The following MCM3AP variants were observed in gnomAD, a reference collection of about 807,000 sequenced individuals.
The protein encoded by MCM3AP is germinal-center associated nuclear protein.
A neutral mutation model predicts 184.1 loss-of-function variants in MCM3AP; 126 were observed. That is an observed-to-expected ratio of 0.68 (90% CI 0.59 to 0.79). The LOEUF (loss-of-function observed/expected upper bound fraction) is 0.79, where lower values mean the gene tolerates loss of function less well. Among genes scored for constraint, MCM3AP ranks in the 30% least tolerant of loss-of-function variants. The pLI is 0.00. For synonymous variants in MCM3AP, 1,002 were observed against 979.3 expected (o/e 1.02, Z -0.43); for missense variants, 2,496 against 2,479.2 (o/e 1.01, Z -0.14).
At chr21:46,273,329 C>G (rs2081208457) in intron 7 of MCM3AP, 59 bp downstream of exon 7, 1 of 1,450,234 alleles carries the variant, frequency 6.9e-7, no homozygotes, top group African/African-American at 1.4e-5. Context: ...ATAAAAATAT[C>G]AGTTTGACTT....
chr21:46,260,896 C>G lies in MCM3AP; in HGVS notation c.3478G>C (p.Glu1160Gln). Residue 1160 changes from glutamate (E) to glutamine (Q), a missense_variant, in exon 15 of 28, where the codon GAG becomes CAG. Physicochemically the swap from Glu to Gln is conservative, Grantham distance 29. This residue lies in a region of MCM3AP where 1,323 missense variants were observed against 1,273.4 expected (regional missense o/e 1.04). Transcript: ENST00000291688. ...AGCTCACTTAACACCAGCTCTCTCTCTTGTTTCAACCTACAGGGAAGAGAA... is the reference window on the plus strand; with the variant it reads ...AGCTCACTTAACACCAGCTCTCTCTGTTGTTTCAACCTACAGGGAAGAGAA... ...QRAEEERLKQ[E>Q]RELVLSELSQ... 9 of 1,610,980 alleles carry G rather than the reference C, an allele frequency of 5.6e-6. No homozygotes were observed. The highest frequency in any genetic ancestry group is 7.6e-6 in the Non-Finnish European group (9 of 1,177,082).
chr21:46,277,623 A>G lies in MCM3AP; in HGVS notation c.1762T>C (p.Cys588Arg), dbSNP rs1241387820. The G allele has an allele frequency of 3.5e-5, 57 of 1,612,490 alleles. No homozygotes were observed. In the Admixed American group the frequency reaches 8.7e-4, roughly 25 times the overall value. Residue 588 changes from cysteine to arginine, a missense_variant, in exon 5 of 28, where the codon TGT becomes CGT. Physicochemically the swap from Cys to Arg is radical, Grantham distance 180. This residue lies in a region of MCM3AP where 800 missense variants were observed against 717.1 expected (regional missense o/e 1.12). Coordinates refer to ENST00000291688, the MANE Select transcript of MCM3AP (RefSeq NM_003906.5). The part of the protein sequence containing the change: ...ASEGSEGLGP[C>R]VLSLSTLIGT... ...ATCAGGGTACTGAGGGAGAGCACAC[A>G]TGGCCCGAGGCCCTCGGAGCCCTCG...
chr21:46,244,805 A>AC lies in MCM3AP; in HGVS notation c.5038+1dup. 3 of 1,607,242 alleles carry AC rather than the reference A, an allele frequency of 1.9e-6. No homozygotes were observed. The highest frequency in any genetic ancestry group is 1.3e-5 in the African/African-American group (1 of 74,802). On this transcript the variant is annotated splice_donor_variant, in intron 23 of 27. Transcript: ENST00000291688. LOFTEE classifies it high-confidence loss of function. ...CCAGACCTCCCCAGGTCAAGCACGT[A>AC]CCCCCCAGGGGTGGAAGGTCCATCT...
chr21:46,244,918 C>G lies in MCM3AP; in HGVS notation c.4927G>C (p.Gly1643Arg). 6.2e-7 allele frequency: 1 copy of G among 1,614,184 alleles called. No individual in the cohort carries two copies. Among genetic ancestry groups the G allele is most frequent in the Non-Finnish European group, 8.5e-7 (1 of 1,180,032 alleles). Residue 1643 changes from glycine (G) to arginine (R), a missense_variant, in exon 23 of 28, where the codon GGC becomes CGC. Physicochemically the swap from Gly to Arg is moderately radical, Grantham distance 125. Coordinates refer to ENST00000291688, the MANE Select transcript of MCM3AP (RefSeq NM_003906.5). Reference protein sequence around the residue: ...WPVTEFAEAGGSRLLPHLHWN... With the variant: ...WPVTEFAEAGRSRLLPHLHWN... Reference sequence around the variant, plus strand: ...TGCAGGTGAGGAAGCAGCCGGCTGCCCCCTGCCTCAGCAAACTCAGTGACA... The same window carrying G: ...TGCAGGTGAGGAAGCAGCCGGCTGCGCCCTGCCTCAGCAAACTCAGTGACA...
At chr21:46,264,736 C>CCA (rs1184593400) in intron 12 of MCM3AP, among the ~76,000 whole-genome samples, 6 of 152,014 alleles carry the variant, frequency 3.9e-5, no homozygotes, top group Admixed American at 6.6e-5. Context: ...CAGCCAGAGA[C>CCA]CACACACACC....
intron 4 of MCM3AP, among the ~76,000 whole-genome samples, chr21:46,278,759 C>G (rs1348599014): frequency 1.3e-5 from 2 of 151,876 alleles, no homozygotes; most frequent in African/African-American, 2.4e-5. Flanking sequence ...CTGCAAGCTC[C>G]GCCTCCCGGG....
rs764807961 is a variant in MCM3AP at position 46,236,919 on chromosome 21, A to G, written c.5694T>C (p.Thr1898=). 1.9e-6 allele frequency: 3 copies of G among 1,578,326 alleles called. No individual in the cohort carries two copies. The highest frequency in any genetic ancestry group is 3.3e-4 in the Middle Eastern group (2 of 5,988). The part of the protein sequence containing the change: ...SEDSGAFTDL[T]SLPLYLPQTL... ...TCTGAGGAAGATAGAGGGGAAGGGA[A>G]GTTAAATCCGTAAATGCTCCTGAGT... The change falls in exon 27 of 28, where the codon ACT becomes ACC. Residue 1898 remains threonine (T), a synonymous_variant. Coordinates refer to ENST00000291688, the MANE Select transcript of MCM3AP (RefSeq NM_003906.5).
intron 9 of MCM3AP, chr21:46,270,178 C>G (rs1458998590): frequency 2.5e-6 from 1 of 395,716 alleles, no homozygotes; most frequent in East Asian, 3.8e-5. Flanking sequence ...TTATTTGAAC[C>G]ATGGAACAGT....
chr21:46,246,087 G>A (rs1283948259), intron 22 of MCM3AP, among the ~76,000 whole-genome samples: 1 of 152,188 alleles, frequency 6.6e-6, no homozygotes, highest in African/African-American at 2.4e-5. Context: ...GCACACCACA[G>A]TAGTCCCATA....
intron 27 of MCM3AP, among the ~76,000 whole-genome samples, chr21:46,235,971 TTATTC>T (rs2080516438): frequency 6.6e-6 from 1 of 152,368 alleles, no homozygotes; most frequent in Admixed American, 6.5e-5. Flanking sequence ...GGGCTGTGAA[TTATTC>T]TATCACATGA....
chr21:46,243,001 AC>A (rs1355980748), intron 24 of MCM3AP, 70 bp from the exon 25 acceptor site: 12 of 1,283,242 alleles, frequency 9.4e-6, no homozygotes, highest in African/African-American at 1.8e-5. Context: ...AAAAAAAAAC[AC>A]ACACAAAAAA....
Position 46,261,415 on chromosome 21 carries a change from A to C in MCM3AP, c.3336-4T>G, listed in dbSNP as rs1214047912. On this transcript the variant is annotated splice_polypyrimidine_tract_variant and splice_region_variant and intron_variant, in intron 13 of 27. Coordinates refer to ENST00000291688, the MANE Select transcript of MCM3AP (RefSeq NM_003906.5). ...CTCCATAGCAGCATTAGAAACACTA[A>C]ACGGAGCAAAGGGGATAGCATTCAA... The C allele has an allele frequency of 6.2e-7, 1 of 1,613,726 alleles. No homozygotes were observed. Among genetic ancestry groups the C allele is most frequent in the Non-Finnish European group, 8.5e-7 (1 of 1,179,850 alleles).
chr21:46,284,634 G>C lies in MCM3AP; in HGVS notation c.653C>G (p.Ser218Ter). 5 of 1,614,130 alleles carry C rather than the reference G, an allele frequency of 3.1e-6. No individual in the cohort carries two copies. Among genetic ancestry groups the C allele is most frequent in the Non-Finnish European group, 4.2e-6 (5 of 1,180,018 alleles). Residue 218 changes from serine to a stop codon, truncating the protein, a stop_gained, in exon 1 of 28, where the codon TCA becomes TGA. Transcript: ENST00000291688. LOFTEE classifies it high-confidence loss of function. ...CAAAGCAGGGGTAAAGGCAGATAAT[G>C]AATTATTACTACTAACAGGTTTTGA... The part of the protein sequence containing the change: ...TFSKPVSSNN[S>*]LSAFTPALSN...
chr21:46,271,456 G>A (rs2081178486), intron 8 of MCM3AP, among the ~76,000 whole-genome samples: 1 of 151,764 alleles, frequency 6.6e-6, no homozygotes, highest in Admixed American at 6.6e-5. Context: ...AGCCTCCCCA[G>A]TCGCTGGAAC....
intron 20 of MCM3AP, 79 bp from the exon 21 acceptor site, chr21:46,246,965 C>T: frequency 6.8e-7 from 1 of 1,476,768 alleles, no homozygotes; most frequent in Non-Finnish European, 9.3e-7. Flanking sequence ...AGAGCAAGTG[C>T]AGCCAAAGCT....
In MCM3AP at chr21:46,241,372, TC is replaced by T. The variant is rs1392673273; in HGVS notation, c.5427-356del. 5.7e-5 allele frequency: 11 copies of T among 192,970 alleles called. No individual in the cohort carries two copies. In the East Asian group the frequency reaches 1.5e-3, roughly 26 times the overall value. The allele number at this position is 192,970 out of a possible 1,614,324, so 12.0% of individuals were successfully genotyped here. ...ACCCTAGGGTTCCAGATTCTGTTCT[TC>T]CCTAGTATTGGCAAGGTTTTTTATA... On this transcript the variant is annotated intron_variant, in intron 25 of 27. Transcript: ENST00000291688.
chr21:46,280,393 C>A (rs544832961), intron 3 of MCM3AP, 104 bp downstream of exon 3: 14 of 920,954 alleles, frequency 1.5e-5, no homozygotes, highest in South Asian at 3.2e-5. Context: ...ATGGCTCATG[C>A]CTGTAATCCC....
At chr21:46,258,313 G>T (rs2839177) in intron 16 of MCM3AP, among the ~76,000 whole-genome samples, 1 of 152,160 alleles carries the variant, frequency 6.6e-6, no homozygotes, top group African/African-American at 2.4e-5. Context: ...TACAACATAC[G>T]TAACACATAT....
intron 1 of MCM3AP, 85 bp downstream of exon 1, chr21:46,283,983 C>A (rs936337333): frequency 7.9e-5 from 122 of 1,545,304 alleles, no homozygotes; most frequent in Non-Finnish European, 9.5e-5. Flanking sequence ...GGAGATTTAT[C>A]TGAAAAATCA....
Sources: allele counts gnomAD v4.1 joint callset (sites outside exome capture counted in the v4.1 genomes callset), GRCh38; gene constraint gnomAD v4.1.1; regional missense constraint gnomAD v4.1.1; transcripts MANE v1.5; gene names NCBI Gene and HGNC (gene_info 2026-07-23, HGNC 2026-07-21).